The following ZNF536 variants were observed in gnomAD, a reference collection of about 807,000 sequenced individuals.
ZNF536 encodes zinc finger protein 536.
ZNF536 carries 13 observed loss-of-function variants against 84.5 expected under a neutral mutation model. The ratio of observed to expected loss-of-function variants is 0.15; its 90% CI spans 0.10 to 0.24. The LOEUF (loss-of-function observed/expected upper bound fraction) is 0.24. ZNF536 is among the 10% of genes least tolerant of loss of function. ZNF536 has a pLI of 1.00. For missense variants in ZNF536, 1,536 were observed against 1,747.5 expected (o/e 0.88, Z 2.16); for synonymous variants, 811 against 742.5 (o/e 1.09, Z -1.50).
chr19:30,522,501 G>A (rs1002559437), intron 2 of ZNF536, among the ~76,000 whole-genome samples: 1 of 149,182 alleles, frequency 6.7e-6, no homozygotes, highest in Non-Finnish European at 1.5e-5. Context: ...TTCTGCCACT[G>A]TTTACTCTTC....
At chr19:30,407,829 T>C (rs920796623) in intron 1 of ZNF536, among the ~76,000 whole-genome samples, 1 of 152,218 alleles carries the variant, frequency 6.6e-6, no homozygotes, top group East Asian at 1.9e-4. Context: ...TCTACCATGA[T>C]TGATTTATTT....
At chr19:30,511,177 T>C (rs1159003270) in intron 2 of ZNF536, among the ~76,000 whole-genome samples, 1 of 152,120 alleles carries the variant, frequency 6.6e-6, no homozygotes, top group Non-Finnish European at 1.5e-5. Flanking sequence ...GGCGAGGCTT[T>C]TTCCTTCCTT....
intron 1 of ZNF536, among the ~76,000 whole-genome samples, chr19:30,649,810 T>C (rs899690287): frequency 6.6e-6 from 1 of 152,166 alleles, no homozygotes; most frequent in African/African-American, 2.4e-5. Context: ...CCTCTCCAAT[T>C]ACACATATTT....
intron 2 of ZNF536, among the ~76,000 whole-genome samples, chr19:30,351,443 T>G (rs1394090622): frequency 6.6e-6 from 1 of 152,262 alleles, no homozygotes; most frequent in Non-Finnish European, 1.5e-5. Context: ...CGCCAACATC[T>G]GCTCTGTCAC....
chr19:30,507,069 A>G (rs1029885346), intron 2 of ZNF536, among the ~76,000 whole-genome samples: 1 of 152,218 alleles, frequency 6.6e-6, no homozygotes, highest in African/African-American at 2.4e-5. Flanking sequence ...GCATGTCAAA[A>G]ATACAGACCT....
intron 1 of ZNF536, among the ~76,000 whole-genome samples, chr19:30,682,926 C>T (rs759302412): frequency 4.6e-5 from 7 of 152,162 alleles, no homozygotes; most frequent in Non-Finnish European, 8.8e-5. Flanking sequence ...TTAGTTCAGG[C>T]TTATTTTAGG....
chr19:30,620,029 C>CT (rs35581619), intron 1 of ZNF536, among the ~76,000 whole-genome samples: 3,368 of 135,040 alleles, frequency 0.025, 112 homozygotes, highest in Admixed American at 0.093. Flanking sequence ...TTCCTCTATG[C>CT]TTTTTTTTTT....
At chr19:30,661,241 G>C (rs144779476) in intron 1 of ZNF536, among the ~76,000 whole-genome samples, 86 of 152,210 alleles carry the variant, frequency 5.7e-4, no homozygotes, top group African/African-American at 2.0e-3. Context: ...GGCAACCTTG[G>C]GTGTGTAAGA....
intron 2 of ZNF536, among the ~76,000 whole-genome samples, chr19:30,345,062 T>C (rs2047697449): frequency 6.6e-6 from 1 of 152,244 alleles, no homozygotes; most frequent in Non-Finnish European, 1.5e-5. Context: ...AGGCATATTA[T>C]TTTTCTAAAT....
At chr19:30,615,789 G>A (rs2048273938) in intron 1 of ZNF536, among the ~76,000 whole-genome samples, 1 of 151,962 alleles carries the variant, frequency 6.6e-6, no homozygotes, top group Non-Finnish European at 1.5e-5. Flanking sequence ...TATTTATGTT[G>A]CCCAGTCATT....
chr19:30,490,986 G>A (rs774876407), intron 2 of ZNF536, among the ~76,000 whole-genome samples: 19 of 152,064 alleles, frequency 1.2e-4, no homozygotes, highest in Admixed American at 5.2e-4. Flanking sequence ...CTGAGGACCC[G>A]GGACCCAGGT....
chr19:30,632,835 T>G (rs553322866), intron 1 of ZNF536, among the ~76,000 whole-genome samples: 1 of 152,260 alleles, frequency 6.6e-6, no homozygotes, highest in South Asian at 2.1e-4. Flanking sequence ...TAGAAAGAAG[T>G]CAAAATCCCT....
At position 30,298,460 on chromosome 19, in the gene ZNF536, G is replaced by A. The variant is rs180929556; in HGVS notation, c.-120+14319G>A. Reference sequence around the variant, plus strand: ...AACAGGTCTCTTGATGACCATTTGCGTGGGAGTTTCCTAATGCTGGTAGCG... The same window carrying A: ...AACAGGTCTCTTGATGACCATTTGCATGGGAGTTTCCTAATGCTGGTAGCG... On this transcript the variant is annotated intron_variant, in intron 2 of 5. Coordinates refer to the ZNF536 transcript ENST00000585628. Among the ~76,000 whole-genome samples, 7 of 152,338 alleles carry A rather than the reference G, an allele frequency of 4.6e-5. No homozygotes were observed. In the East Asian group the frequency reaches 5.8e-4, roughly 13 times the overall value.
At chr19:30,326,069 TAC>T (rs1600229180) in intron 2 of ZNF536, among the ~76,000 whole-genome samples, 2 of 152,240 alleles carry the variant, frequency 1.3e-5, no homozygotes, top group East Asian at 3.9e-4. Context: ...GTTCTTTATT[TAC>T]AGTCAAAATC....
chr19:30,390,833 T>C (rs1445569620), intron 1 of ZNF536, among the ~76,000 whole-genome samples: 1 of 152,094 alleles, frequency 6.6e-6, no homozygotes, highest in Non-Finnish European at 1.5e-5. Context: ...TCAGCCCCCG[T>C]TGGCACCAAT....
Position 30,444,138 on chromosome 19 carries a change from G to T in ZNF536, c.576G>T (p.Val192=), listed in dbSNP as rs1484933869. Residue 192 remains valine (V), a synonymous_variant, in exon 2 of 5, where the codon GTG becomes GTT. Coordinates refer to ENST00000355537, the MANE Select transcript of ZNF536 (RefSeq NM_014717.3). ...ACCTGGGCAAGGGGCGTGGGCGTGTGCGCGAGGAGAACCGCCTGCTGCACG... is the reference window on the plus strand; with the variant it reads ...ACCTGGGCAAGGGGCGTGGGCGTGTTCGCGAGGAGAACCGCCTGCTGCACG... The part of the protein sequence containing the change: ...LGNLGKGRGR[V]REENRLLHEL... The T allele has an allele frequency of 1.9e-6, 3 of 1,605,326 alleles. No homozygotes were observed. The highest frequency in any genetic ancestry group is 2.5e-6 in the Non-Finnish European group (3 of 1,176,478).
At position 30,666,096 on chromosome 19, in the gene ZNF536, T is replaced by C. The variant is rs2050307452; in HGVS notation, c.170-44661T>C. Among the ~76,000 whole-genome samples, 4 of 152,184 alleles carry C rather than the reference T, an allele frequency of 2.6e-5. No homozygotes were observed. In the South Asian group the frequency reaches 8.3e-4, roughly 32 times the overall value. Reference sequence around the variant, plus strand: ...GATGGGACTACACCAAGTTTGTTGCTTTAGGGTTGATCTAGACAGAAGGTG... The same window carrying C: ...GATGGGACTACACCAAGTTTGTTGCCTTAGGGTTGATCTAGACAGAAGGTG... On this transcript the variant is annotated intron_variant, in intron 1 of 1. Transcript: ENST00000592773.
intron 4 of ZNF536, among the ~76,000 whole-genome samples, chr19:30,550,568 G>A (rs145421682): frequency 5.9e-5 from 9 of 152,048 alleles, no homozygotes; most frequent in African/African-American, 1.7e-4. Context: ...AGGAAGGCAG[G>A]AAGGCAGGAA....
chr19:30,630,377 T>G lies in ZNF536; in HGVS notation c.170-80380T>G, dbSNP rs547881559. On this transcript the variant is annotated intron_variant, in intron 1 of 1. Transcript: ENST00000592773. ...TACATCAGTAAATAAAGCAACCCAA[T>G]CCTCATTCTCCAGGAAGTATCCCGT... is the stretch of plus-strand genomic sequence containing the variant. 6.0e-5 allele frequency among the ~76,000 whole-genome samples: 9 copies of G among 151,132 alleles called. No homozygotes were observed. In the South Asian group the frequency reaches 1.1e-3, roughly 18 times the overall value.
Sources: allele counts gnomAD v4.1 joint callset (sites outside exome capture counted in the v4.1 genomes callset), GRCh38; gene constraint gnomAD v4.1.1; transcripts MANE v1.5; gene names NCBI Gene and HGNC (gene_info 2026-07-23, HGNC 2026-07-21).